NUDT4: variants seen among roughly 807,000 people sequenced by gnomAD.
NUDT4 encodes nudix hydrolase 4, also known as diphosphoinositol polyphosphate phosphohydrolase 2.
Under a neutral mutation model 23.1 loss-of-function variants are expected in NUDT4, and 5 were observed. That is an observed-to-expected ratio of 0.22 (90% CI 0.11 to 0.46). The LOEUF is 0.46. NUDT4 is among the 20% of genes least tolerant of loss of function. NUDT4 has a pLI of 0.99. For missense variants in NUDT4, 96 were observed against 211.6 expected (o/e 0.45, Z 3.39); for synonymous variants, 50 against 79.0 (o/e 0.63, Z 1.95).
chr12:93,398,918 T>C, intron 4 of NUDT4, 63 bp downstream of exon 4: 1 of 1,150,466 alleles, frequency 8.7e-7, no homozygotes, highest in Non-Finnish European at 1.3e-6. Flanking sequence ...ATTCTGTTAA[T>C]ATAGGTAAGT....
intron 2 of NUDT4, 50 bp downstream of exon 2, chr12:93,394,769 C>T (rs1206520800): frequency 7.8e-6 from 9 of 1,149,768 alleles, no homozygotes; most frequent in Non-Finnish European, 1.2e-5. Context: ...AAAAACAAGG[C>T]CCTTTGCTAC....
In NUDT4 at chr12:93,398,812, A is replaced by C; in HGVS notation, c.297A>C (p.Thr99=). The change falls in exon 4 of 5, where the codon ACA becomes ACC. Residue 99 remains threonine (T), a synonymous_variant. Transcript: ENST00000415493. Reference sequence around the variant, plus strand: ...ACAGAACATATGTTTATGTTCTAACAGTCACTGAAATATTAGAAGATTGGG... The same window carrying C: ...ACAGAACATATGTTTATGTTCTAACCGTCACTGAAATATTAGAAGATTGGG... The part of the protein sequence containing the change: ...RKHRTYVYVL[T]VTEILEDWED... 6.2e-7 allele frequency: 1 copy of C among 1,606,804 alleles called. No homozygotes were observed. Among genetic ancestry groups the C allele is most frequent in the South Asian group, 1.1e-5 (1 of 90,646 alleles).
intron 2 of NUDT4, 70 bp from the exon 3 acceptor site, chr12:93,395,419 G>T: frequency 9.2e-7 from 1 of 1,081,552 alleles, no homozygotes; most frequent in Non-Finnish European, 1.4e-6. Context: ...AATAGCCAGA[G>T]TGTAACTTGT....
intron 1 of NUDT4, among the ~76,000 whole-genome samples, chr12:93,381,479 G>C (rs964334683): frequency 6.6e-6 from 1 of 152,214 alleles, no homozygotes; most frequent in Non-Finnish European, 1.5e-5. Context: ...GTTTAAAAGG[G>C]GATGAAGAGA....
At chr12:93,392,427 T>C (rs1300160396) in intron 1 of NUDT4, among the ~76,000 whole-genome samples, 2 of 150,976 alleles carry the variant, frequency 1.3e-5, no homozygotes, top group Non-Finnish European at 2.9e-5. Context: ...GGCTAATTTT[T>C]TGTATTTTTA....
In NUDT4 at chr12:93,398,827, A is replaced by G. The variant is rs769523314; in HGVS notation, c.312A>G (p.Leu104=). The change falls in exon 4 of 5, where the codon TTA becomes TTG. Residue 104 remains leucine (L), a synonymous_variant. Transcript: ENST00000415493. ...YVYVLTVTEI[L]EDWEDSVNIG... The stretch of plus-strand genomic sequence containing the variant: ...ATGTTCTAACAGTCACTGAAATATT[A>G]GAAGATTGGGAAGATTCTGTTAATA... 1 of 1,598,464 alleles carries G rather than the reference A, an allele frequency of 6.3e-7. No individual in the cohort carries two copies. The highest frequency in any genetic ancestry group is 8.6e-7 in the Non-Finnish European group (1 of 1,166,860).
chr12:93,391,918 C>T (rs1876537268), intron 1 of NUDT4, among the ~76,000 whole-genome samples: 1 of 152,074 alleles, frequency 6.6e-6, no homozygotes, highest in Non-Finnish European at 1.5e-5. Flanking sequence ...GAGTCTCACT[C>T]CATTGCCCAG....
chr12:93,385,941 TTATATATATATATA>T (rs371683658), intron 1 of NUDT4, among the ~76,000 whole-genome samples: 3 of 104,608 alleles, frequency 2.9e-5, no homozygotes, highest in African/African-American at 7.3e-5. Context: ...GTAAATCTTT[TTATATATATATATA>T]TATATATATA....
intron 1 of NUDT4, among the ~76,000 whole-genome samples, chr12:93,387,957 C>T (rs960894648): frequency 6.6e-6 from 1 of 152,080 alleles, no homozygotes; most frequent in Non-Finnish European, 1.5e-5. Context: ...TGCCTTCTCC[C>T]CACCACCACC....
chr12:93,388,915 CAA>C (rs965954568), intron 1 of NUDT4, among the ~76,000 whole-genome samples: 14 of 152,108 alleles, frequency 9.2e-5, no homozygotes, highest in Admixed American at 2.6e-4. Flanking sequence ...TGTAGACCCT[CAA>C]AAGCATGAAA....
Position 93,378,302 on chromosome 12 carries a change from C to CAGCAGCAGG in NUDT4, c.-17_-9dup. On this transcript the variant is annotated 5_prime_UTR_variant, in exon 1 of 5. Coordinates refer to ENST00000415493, the MANE Select transcript of NUDT4 (RefSeq NM_019094.6). ...ACGGCGGCGGCCGGAGCAGCAGCAG[C>CAGCAGCAGG]AGCAGCAGGAGCCCGCCTCTATGAT... is the stretch of plus-strand genomic sequence containing the variant. The CAGCAGCAGG allele has an allele frequency of 3.4e-6, 4 of 1,174,054 alleles. No individual in the cohort carries two copies. Among genetic ancestry groups the CAGCAGCAGG allele is most frequent in the Non-Finnish European group, 4.6e-6 (4 of 869,226 alleles). The allele number at this position is 1,174,054 out of a possible 1,614,324, so 72.7% of individuals were successfully genotyped here.
intron 1 of NUDT4, chr12:93,378,764 G>A (rs1311272602): frequency 6.8e-6 from 7 of 1,026,018 alleles, no homozygotes; most frequent in Non-Finnish European, 7.0e-6. Flanking sequence ...AACCTCGAGT[G>A]CTCAGCGAGA....
At chr12:93,389,169 CT>C (rs997433092) in intron 1 of NUDT4, among the ~76,000 whole-genome samples, 11 of 152,024 alleles carry the variant, frequency 7.2e-5, no homozygotes, top group Non-Finnish European at 1.0e-4. Context: ...ATTTATCGGC[CT>C]TTTTTTTGAA....
rs947665638 is a variant in NUDT4 at position 93,406,486 on chromosome 12, T to C, written c.*7107T>C. 4.6e-5 allele frequency: 7 copies of C among 152,158 alleles called. No individual in the cohort carries two copies. The highest frequency in any genetic ancestry group is 1.7e-4 in the African/African-American group (7 of 41,416). 9.4% of individuals were successfully genotyped at this position (152,158 alleles called of 1,614,324 possible). A position where few individuals can be genotyped will look rare whatever the true frequency, so the allele number is the denominator to read the frequency against. ...TGTTGGTTTGTATTTAATCTTATTT[T>C]TAAGTGCTTCTTTGAAATTGTTTTA... On this transcript the variant is annotated 3_prime_UTR_variant, in exon 5 of 5. Coordinates refer to ENST00000415493, the MANE Select transcript of NUDT4 (RefSeq NM_019094.6).
chr12:93,378,767 CAGCGA>C, intron 1 of NUDT4: 3 of 1,023,394 alleles, frequency 2.9e-6, no homozygotes, highest in Non-Finnish European at 3.5e-6. Flanking sequence ...CTCGAGTGCT[CAGCGA>C]GAGGAGGGTG....
rs959219109 is a variant in NUDT4, at chr12:93,406,823, C to T, written c.*7444C>T. The T allele has an allele frequency of 6.6e-6, 1 of 152,146 alleles. No homozygotes were observed. The highest frequency in any genetic ancestry group is 1.5e-5 in the Non-Finnish European group (1 of 68,042). The allele number at this position is 152,146 out of a possible 1,614,324, so 9.4% of individuals were successfully genotyped here. On this transcript the variant is annotated 3_prime_UTR_variant, in exon 5 of 5. Coordinates refer to ENST00000415493, the MANE Select transcript of NUDT4 (RefSeq NM_019094.6). The stretch of plus-strand genomic sequence containing the variant: ...GCGAATTTGGATATCCAAAGGAAGT[C>T]CTAGAACCAGTTCCCGACAAATACC...
intron 3 of NUDT4, among the ~76,000 whole-genome samples, chr12:93,395,743 A>G (rs1876885258): frequency 1.3e-5 from 2 of 152,062 alleles, no homozygotes; most frequent in South Asian, 4.1e-4. Flanking sequence ...TTTTTTTAAG[A>G]CAGAGTCTCG....
rs1877542902 is a variant in NUDT4, at chr12:93,402,646, T to A, written c.*3267T>A. 1 of 152,226 alleles carries A rather than the reference T, an allele frequency of 6.6e-6. No individual in the cohort carries two copies. The highest frequency in any genetic ancestry group is 2.4e-5 in the African/African-American group (1 of 41,454). 9.4% of individuals were successfully genotyped at this position (152,226 alleles called of 1,614,324 possible). On this transcript the variant is annotated 3_prime_UTR_variant, in exon 5 of 5. Coordinates refer to ENST00000415493, the MANE Select transcript of NUDT4 (RefSeq NM_019094.6). Reference sequence around the variant, plus strand: ...GTCAGTATTCTCCTCATGGATATTTTCAGTCTCAATGTTGCCAGTCTAATA... The same window carrying A: ...GTCAGTATTCTCCTCATGGATATTTACAGTCTCAATGTTGCCAGTCTAATA...
rs943827752 is a variant in NUDT4 at position 93,377,938 on chromosome 12, C to T, written c.-385C>T. 1.3e-5 allele frequency: 4 copies of T among 307,908 alleles called. No homozygotes were observed. The highest frequency in any genetic ancestry group is 1.8e-4 in the East Asian group (2 of 11,140). The allele number at this position is 307,908 out of a possible 1,614,324, so 19.1% of individuals were successfully genotyped here. ...GGGGCGGCGCGCGGTCGCCGCGGTG[C>T]TGCTGCTCAGTGGGAGCGGGTCTTC... is the stretch of plus-strand genomic sequence containing the variant. On this transcript the variant is annotated 5_prime_UTR_variant, in exon 1 of 5. Transcript: ENST00000415493.
Sources: gnomAD v4.1 joint callset for allele counts (sites outside exome capture counted in the v4.1 genomes callset) on GRCh38, gnomAD v4.1.1 for gene constraint, MANE v1.5 for transcripts, NCBI Gene and HGNC (gene_info 2026-07-23, HGNC 2026-07-21) for gene names.